The following ACSM3 variants were observed in gnomAD, a reference collection of about 807,000 sequenced individuals.
ACSM3 encodes acyl-coenzyme A synthetase ACSM3, mitochondrial.
Under a neutral mutation model 74.1 loss-of-function variants are expected in ACSM3, and 61 were observed. The ratio of observed to expected loss-of-function variants is 0.82; its 90% CI spans 0.67 to 1.02. The LOEUF (loss-of-function observed/expected upper bound fraction) is 1.02, where lower values mean the gene tolerates loss of function less well. ACSM3 is among the 50% of genes least tolerant of loss of function. The probability of loss-of-function intolerance (pLI) is 0.00; values close to 1 mark genes in which losing one functional copy is unlikely to be tolerated. For missense variants in ACSM3, 660 were observed against 697.0 expected, an observed-to-expected ratio of 0.95 and a Z score of 0.60; for synonymous variants, 213 against 241.5, an observed-to-expected ratio of 0.88 and a Z score of 1.09.
chr16:20,725,582 T>G (rs2079802028), intron 1 of ACSM3: 1 of 158,650 alleles, frequency 6.3e-6, no homozygotes, highest in African/African-American at 2.4e-5. Context: ...TTCTGTGTCA[T>G]CGAGGGGGCT....
At position 20,775,906 on chromosome 16, in the gene ACSM3, G is replaced by A. The variant is rs1378600445; in HGVS notation, c.287G>A (p.Ser96Asn). 1 of 1,614,080 alleles carries A rather than the reference G, an allele frequency of 6.2e-7. No individual in the cohort carries two copies. The highest frequency in any genetic ancestry group is 1.3e-5 in the African/African-American group (1 of 74,926). Residue 96 changes from serine (S) to asparagine (N), a missense_variant, in exon 3 of 14, where the codon AGT becomes AAT. By Grantham distance (46) the Ser-to-Asn change is conservative. Transcript: ENST00000289416. ...AGAAATGGAGAAGAGATGCGATGGA[G>A]TTTTGAGGAACTGGGATCTCTGTCC... ...INRNGEEMRW[S>N]FEELGSLSRK...
intron 1 of ACSM3, among the ~76,000 whole-genome samples, chr16:20,747,781 CAGAACACT>C: frequency 6.6e-6 from 1 of 152,196 alleles, no homozygotes; most frequent in East Asian, 1.9e-4. Flanking sequence ...TCCACCAATG[CAGAACACT>C]AGTCTTGAGT....
intron 1 of ACSM3, among the ~76,000 whole-genome samples, chr16:20,746,810 T>G (rs1304373802): frequency 6.6e-6 from 1 of 152,204 alleles, no homozygotes; most frequent in Non-Finnish European, 1.5e-5. Flanking sequence ...CACCTCTAAT[T>G]CATTTCATTC....
intron 1 of ACSM3, among the ~76,000 whole-genome samples, chr16:20,748,974 C>A (rs962246189): frequency 1.3e-5 from 2 of 152,038 alleles, no homozygotes; most frequent in South Asian, 4.1e-4. Flanking sequence ...ATCATTTGAA[C>A]CCAGGAAATG....
chr16:20,675,855 G>T (rs2020243923), intron 1 of ACSM3, among the ~76,000 whole-genome samples: 1 of 152,204 alleles, frequency 6.6e-6, no homozygotes. Flanking sequence ...AGAGAAACCA[G>T]CTGCGCTGGC....
At chr16:20,724,855 C>T (rs1043758292) in intron 1 of ACSM3, among the ~76,000 whole-genome samples, 4 of 152,140 alleles carry the variant, frequency 2.6e-5, no homozygotes, top group Non-Finnish European at 5.9e-5. Flanking sequence ...AGGAGAACTA[C>T]AAACCACTGC....
At chr16:20,694,544 AT>A (rs1245463994) in intron 1 of ACSM3, among the ~76,000 whole-genome samples, 2 of 152,128 alleles carry the variant, frequency 1.3e-5, no homozygotes, top group African/African-American at 4.8e-5. Flanking sequence ...CTCAGTTGCA[AT>A]TTTTCTATGC....
Position 20,777,578 on chromosome 16 carries a change from G to A in ACSM3, c.636G>A (p.Met212Ile), listed in dbSNP as rs2080271112. The change falls in exon 4 of 14, where the codon ATG (methionine) becomes ATA (isoleucine). Residue 212 changes from methionine to isoleucine, a missense_variant and splice_region_variant. Transcript: ENST00000289416. ...REGWGNLKELMKHASDSHTCV... is the reference protein window; with the variant it reads ...REGWGNLKELIKHASDSHTCV... ...GGTGGGGGAACCTCAAGGAGTTGAT[G>A]AAGTGAGTAGCCACACTTGTTGTAA... The A allele has an allele frequency of 6.2e-7, 1 of 1,612,304 alleles. No homozygotes were observed. Among genetic ancestry groups the A allele is most frequent in the East Asian group, 2.2e-5 (1 of 44,868 alleles).
intron 1 of ACSM3, chr16:20,721,402 T>C (rs1312036797): frequency 1.3e-5 from 2 of 152,162 alleles, no homozygotes; most frequent in Non-Finnish European, 2.9e-5. Context: ...TGATATCGTT[T>C]TGTGTTAGGG....
intron 1 of ACSM3, among the ~76,000 whole-genome samples, chr16:20,677,974 C>T (rs1337415791): frequency 1.3e-5 from 2 of 149,396 alleles, no homozygotes; most frequent in Admixed American, 1.3e-4. Flanking sequence ...CAGAGATGCA[C>T]TGCAAGGGGC....
intron 7 of ACSM3, among the ~76,000 whole-genome samples, chr16:20,782,741 A>C (rs1319079159): frequency 6.6e-6 from 1 of 152,140 alleles, no homozygotes; most frequent in Non-Finnish European, 1.5e-5. Flanking sequence ...GGTTCCCATG[A>C]CCCTTCCTTG....
intron 2 of ACSM3, among the ~76,000 whole-genome samples, chr16:20,754,203 G>T (rs1178774008): frequency 6.6e-6 from 1 of 152,192 alleles, no homozygotes; most frequent in African/African-American, 2.4e-5. Context: ...GAGAAGGAGA[G>T]GTACTAGTTT....
chr16:20,715,618 C>CA (rs1339779282), intron 1 of ACSM3, among the ~76,000 whole-genome samples: 6 of 112,192 alleles, frequency 5.3e-5, no homozygotes, highest in East Asian at 2.0e-4. Flanking sequence ...CAAAACAAAA[C>CA]AAAACAAAAA....
chr16:20,756,502 C>T (rs1241788656), intron 3 of ACSM3, among the ~76,000 whole-genome samples: 12 of 151,966 alleles, frequency 7.9e-5, no homozygotes, highest in South Asian at 4.2e-4. Context: ...TCTTGTAAAT[C>T]TGTTTGAGTT....
chr16:20,697,594 C>T (rs541216661), intron 1 of ACSM3: 1 of 140,054 alleles, frequency 7.1e-6, no homozygotes, highest in African/African-American at 2.5e-5. Flanking sequence ...CACACACACA[C>T]ACACACACAC....
chr16:20,675,462 A>G (rs973153539), intron 1 of ACSM3, among the ~76,000 whole-genome samples: 1 of 152,186 alleles, frequency 6.6e-6, no homozygotes, highest in Non-Finnish European at 1.5e-5. Flanking sequence ...CTGGCTAAGC[A>G]GCGTCTGAAA....
chr16:20,762,271 GA>G (rs201250468), upstream of ACSM3, among the ~76,000 whole-genome samples: 4 of 148,186 alleles, frequency 2.7e-5, no homozygotes, highest in South Asian at 2.1e-4. Flanking sequence ...TGTGAGAGTA[GA>G]AAAAAAAACA....
intron 9 of ACSM3, chr16:20,789,399 A>C: frequency 9.8e-7 from 1 of 1,023,664 alleles, no homozygotes; most frequent in Non-Finnish European, 1.5e-6. Context: ...GTACTTAATA[A>C]ATGCTAGCTA....
rs534974699 is a variant in ACSM3 at position 20,691,847 on chromosome 16, T to C, written c.-190+17025T>C. On this transcript the variant is annotated intron_variant, in intron 1 of 3. Coordinates refer to the ACSM3 transcript ENST00000561584. ...AATATATCAGGCTGTCTCCCTCTGGTGGAATGCACATTTTGTGTGCTGTTT... is the reference window on the plus strand; with the variant it reads ...AATATATCAGGCTGTCTCCCTCTGGCGGAATGCACATTTTGTGTGCTGTTT... 6.0e-5 allele frequency among the ~76,000 whole-genome samples: 9 copies of C among 149,766 alleles called. No individual in the cohort carries two copies. In the South Asian group the frequency reaches 1.7e-3, roughly 28 times the overall value.
Sources: gnomAD v4.1 joint callset for allele counts (sites outside exome capture counted in the v4.1 genomes callset) on GRCh38, gnomAD v4.1.1 for gene constraint, MANE v1.5 for transcripts, NCBI Gene and HGNC (gene_info 2026-07-23, HGNC 2026-07-21) for gene names.